Variants in CLEC2B observed in about 807,000 individuals in gnomAD.
CLEC2B encodes C-type (calcium dependent, carbohydrate-recognition domain) lectin, superfamily member 2 (activation-induced).
In CLEC2B, 14 loss-of-function variants were observed where a neutral mutation model predicts 16.2. The ratio of observed to expected loss-of-function variants is 0.86; its 90% confidence interval spans 0.57 to 1.35. The LOEUF is 1.35. CLEC2B is among the 40% of genes most tolerant of loss of function. The pLI is 0.00. For synonymous variants in CLEC2B, 42 were observed against 55.8 expected, an observed-to-expected ratio of 0.75 and a Z score of 1.10; for missense variants, 166 against 182.3, an observed-to-expected ratio of 0.91 and a Z score of 0.52.
chr12:9,862,692 TC>T, intron 1 of CLEC2B, 119 bp from the exon 2 acceptor site: 3 of 804,708 alleles, frequency 3.7e-6, no homozygotes, highest in African/African-American at 1.9e-5. Context: ...GCTGTGATTA[TC>T]CCCAGCAATA....
At chr12:9,868,486 CAGTCCCTAA>C (rs1261098303) in intron 1 of CLEC2B, among the ~76,000 whole-genome samples, 1 of 152,088 alleles carries the variant, frequency 6.6e-6, no homozygotes, top group Non-Finnish European at 1.5e-5. Flanking sequence ...AAGCTCATCA[CAGTCCCTAA>C]ATCTCTAAAT....
chr12:9,863,243 C>T (rs1454390136), intron 1 of CLEC2B, among the ~76,000 whole-genome samples: 2 of 152,090 alleles, frequency 1.3e-5, no homozygotes, highest in Non-Finnish European at 2.9e-5. Context: ...TGGGTTAAGG[C>T]ACCATGTAGT....
intron 1 of CLEC2B, chr12:9,867,399 T>C (rs560781201): frequency 6.6e-6 from 1 of 152,288 alleles, no homozygotes; most frequent in Non-Finnish European, 1.5e-5. Flanking sequence ...TATTATGTGT[T>C]CATTCTCTAC....
At chr12:9,862,391 G>A in intron 2 of CLEC2B, 108 bp downstream of exon 2, 4 of 982,606 alleles carry the variant, frequency 4.1e-6, no homozygotes, top group Non-Finnish European at 5.6e-6. Flanking sequence ...ATGTTATCAT[G>A]TATAATGGGA....
chr12:9,867,729 G>T (rs1218674368), intron 1 of CLEC2B, among the ~76,000 whole-genome samples: 2 of 152,094 alleles, frequency 1.3e-5, no homozygotes, highest in East Asian at 3.8e-4. Flanking sequence ...GACAGTTCGA[G>T]AACAATGGAT....
chr12:9,854,136 G>A (rs1031352940), intron 4 of CLEC2B, among the ~76,000 whole-genome samples: 5 of 152,102 alleles, frequency 3.3e-5, no homozygotes, highest in African/African-American at 1.2e-4. Flanking sequence ...GGTGGGGGGA[G>A]TTGTGTATAT....
rs979869443 is a variant in CLEC2B, at chr12:9,869,224, G to A, written c.-22C>T. The A allele has an allele frequency of 1.3e-5, 2 of 152,038 alleles. No individual in the cohort carries two copies. The highest frequency in any genetic ancestry group is 2.9e-5 in the Non-Finnish European group (2 of 67,972). The allele number at this position is 152,038 out of a possible 1,614,324, so 9.4% of individuals were successfully genotyped here. On this transcript the variant is annotated 5_prime_UTR_variant, in exon 1 of 5. It adds an upstream start codon to the 5' untranslated region. Transcript: ENST00000228438. ...TCTTACCGTGCTTCTTTTAATCAGC[G>A]TTTTGATTTTCTGCTAGCAGCTTTG...
chr12:9,863,711 A>G (rs937365381), intron 1 of CLEC2B, among the ~76,000 whole-genome samples: 1 of 152,190 alleles, frequency 6.6e-6, no homozygotes, highest in Non-Finnish European at 1.5e-5. Flanking sequence ...AAGAAGAAAT[A>G]ATCGGTGAGC....
intron 4 of CLEC2B, among the ~76,000 whole-genome samples, chr12:9,854,143 A>G (rs1445035416): frequency 1.4e-4 from 22 of 152,162 alleles, no homozygotes; most frequent in Non-Finnish European, 2.8e-4. Flanking sequence ...GGAGTTGTGT[A>G]TATGAATCTC....
chr12:9,868,419 T>G (rs1053262646), intron 1 of CLEC2B, among the ~76,000 whole-genome samples: 1 of 152,014 alleles, frequency 6.6e-6, no homozygotes, highest in Non-Finnish European at 1.5e-5. Flanking sequence ...CAGCAATAAT[T>G]TTTTTGACCG....
chr12:9,865,392 T>C (rs759493018), intron 1 of CLEC2B, among the ~76,000 whole-genome samples: 3 of 152,038 alleles, frequency 2.0e-5, no homozygotes, highest in Non-Finnish European at 4.4e-5. Flanking sequence ...ATTACAAAAC[T>C]TTAAAAGACT....
intron 2 of CLEC2B, among the ~76,000 whole-genome samples, chr12:9,861,163 A>T (rs998593366): frequency 6.6e-6 from 1 of 152,170 alleles, no homozygotes; most frequent in East Asian, 1.9e-4. Context: ...GTTAAAGAAG[A>T]TATTTGCAAT....
chr12:9,864,237 A>C (rs949658725), intron 1 of CLEC2B, among the ~76,000 whole-genome samples: 4 of 152,116 alleles, frequency 2.6e-5, no homozygotes, highest in Non-Finnish European at 4.4e-5. Flanking sequence ...AAGAAGAGAC[A>C]ATGTTTCCCA....
chr12:9,868,525 T>C (rs1867989142), intron 1 of CLEC2B, among the ~76,000 whole-genome samples: 1 of 152,142 alleles, frequency 6.6e-6, no homozygotes. Flanking sequence ...TTGTATTGAA[T>C]GCATTTAGTT....
chr12:9,862,545 A>G lies in CLEC2B; in HGVS notation c.27T>C (p.Phe9=), dbSNP rs1867940714. 4.1e-6 allele frequency: 6 copies of G among 1,476,772 alleles called. No homozygotes were observed. The highest frequency in any genetic ancestry group is 1.4e-5 in the African/African-American group (1 of 69,706). The allele number at this position is 1,476,772 out of a possible 1,614,324, so 91.5% of individuals were successfully genotyped here. Residue 9 remains phenylalanine, a synonymous_variant, in exon 2 of 5, where the codon TTT becomes TTC. Transcript: ENST00000228438. ...TTGTTATTAAAACACCAACAATTAT[A>G]AAACACTTTTTATGTTTGGTCATCA... The part of the protein sequence containing the change: MMTKHKKC[F]IIVGVLITTN...
intron 1 of CLEC2B, among the ~76,000 whole-genome samples, chr12:9,866,742 T>C (rs934895274): frequency 6.6e-6 from 1 of 152,084 alleles, no homozygotes; most frequent in African/African-American, 2.4e-5. Context: ...AAGAAAACCC[T>C]AAGCTGCTTA....
At chr12:9,862,690 T>A in intron 1 of CLEC2B, 117 bp from the exon 2 acceptor site, 3 of 850,748 alleles carry the variant, frequency 3.5e-6, no homozygotes, top group African/African-American at 1.8e-5. Context: ...GTGCTGTGAT[T>A]ATCCCCAGCA....
At chr12:9,857,914 G>A (rs573513446) in intron 2 of CLEC2B, among the ~76,000 whole-genome samples, 105 of 152,072 alleles carry the variant, frequency 6.9e-4, no homozygotes, top group Middle Eastern at 3.4e-3. Flanking sequence ...GTAGGTTACC[G>A]TTACCATTTC....
chr12:9,865,544 A>C lies in CLEC2B; in HGVS notation c.-2-2971T>G, dbSNP rs569026720. On this transcript the variant is annotated intron_variant, in intron 1 of 4. Coordinates refer to ENST00000228438, the MANE Select transcript of CLEC2B (RefSeq NM_005127.3). ...AACATTCATTGATCTAAAGGGAGAG[A>C]TAGACTGCAATGCAATAATATTGGG... Among the ~76,000 whole-genome samples, 7 of 152,306 alleles carry C rather than the reference A, an allele frequency of 4.6e-5. No individual in the cohort carries two copies. In the East Asian group the frequency reaches 1.3e-3, roughly 29 times the overall value.
Sources: gnomAD v4.1 joint callset for allele counts (sites outside exome capture counted in the v4.1 genomes callset) on GRCh38, gnomAD v4.1.1 for gene constraint, MANE v1.5 for transcripts, NCBI Gene and HGNC (gene_info 2026-07-23, HGNC 2026-07-21) for gene names.